Variants in SHANK2 observed in about 807,000 individuals in gnomAD.
The protein encoded by SHANK2 is SH3 and multiple ankyrin repeat domains 2, also known as SH3 and multiple ankyrin repeat domains protein 2.
In SHANK2, 43 loss-of-function variants were observed where a neutral mutation model predicts 133.7. The ratio of observed to expected loss-of-function variants is 0.32; its 90% confidence interval spans 0.25 to 0.41. The LOEUF (loss-of-function observed/expected upper bound fraction) is 0.41. Among genes scored for constraint, SHANK2 ranks in the 10% least tolerant of loss-of-function variants. The pLI is 1.00. For missense variants in SHANK2, 1,994 were observed against 2,235.8 expected (o/e 0.89, Z 2.18); for synonymous variants, 1,017 against 952.8 (o/e 1.07, Z -1.24).
chr11:70,752,288 G>GTTT (rs1946764904), intron 14 of SHANK2, among the ~76,000 whole-genome samples: 1 of 151,748 alleles, frequency 6.6e-6, no homozygotes, highest in Non-Finnish European at 1.5e-5. Context: ...AACATAGGGA[G>GTTT]GTTAAAAACA....
intron 11 of SHANK2, among the ~76,000 whole-genome samples, chr11:70,881,574 T>TAATAATAATAA (rs1565380943): frequency 7.6e-5 from 3 of 39,338 alleles, no homozygotes; most frequent in African/African-American, 1.3e-4. Context: ...AATAATAATA[T>TAATAATAATAA]TAATAATAAT....
chr11:70,752,705 C>CAA (rs530096112), intron 14 of SHANK2, among the ~76,000 whole-genome samples: 11,920 of 103,736 alleles, frequency 0.11, 918 homozygotes, highest in South Asian at 0.32. Flanking sequence ...GACTCCGTCT[C>CAA]AAAAAAAAAA....
intron 2 of SHANK2, among the ~76,000 whole-genome samples, chr11:71,177,828 G>A (rs1412454117): frequency 1.3e-5 from 2 of 152,042 alleles, no homozygotes; most frequent in East Asian, 3.8e-4. Context: ...ACATCCAACA[G>A]CATTAGGCAT....
At chr11:70,640,552 T>C (rs1471316007) in intron 17 of SHANK2, among the ~76,000 whole-genome samples, 1 of 152,232 alleles carries the variant, frequency 6.6e-6, no homozygotes, top group Non-Finnish European at 1.5e-5. Context: ...GACAGCGGCC[T>C]CAGGACATGA....
intron 9 of SHANK2, among the ~76,000 whole-genome samples, chr11:71,065,094 T>G (rs1373525861): frequency 6.6e-6 from 1 of 151,956 alleles, no homozygotes; most frequent in African/African-American, 2.4e-5. Flanking sequence ...AGACGGGACC[T>G]TGGAAGTGCC....
intron 2 of SHANK2, among the ~76,000 whole-genome samples, chr11:71,215,514 G>C (rs782456337): frequency 6.6e-6 from 1 of 152,200 alleles, no homozygotes; most frequent in African/African-American, 2.4e-5. Flanking sequence ...GAGCGAACGT[G>C]AGGTCAGGCC....
chr11:70,706,330 G>A (rs568385009), intron 14 of SHANK2, among the ~76,000 whole-genome samples: 2 of 152,280 alleles, frequency 1.3e-5, no homozygotes, highest in East Asian at 1.9e-4. Context: ...GAAAGTGAGC[G>A]AATGGGTCAA....
chr11:70,494,300 A>T (rs1555156613), intron 21 of SHANK2, among the ~76,000 whole-genome samples: 1 of 152,132 alleles, frequency 6.6e-6, no homozygotes, highest in Non-Finnish European at 1.5e-5. Context: ...CCAGAACCTC[A>T]GGGCAGTCTA....
chr11:70,776,539 A>G (rs1037907012), intron 14 of SHANK2, among the ~76,000 whole-genome samples: 5 of 152,092 alleles, frequency 3.3e-5, no homozygotes, highest in African/African-American at 4.8e-5. Flanking sequence ...CACAAACTCT[A>G]TGGTTTTAAA....
At chr11:70,765,464 C>T (rs1947099081) in intron 14 of SHANK2, among the ~76,000 whole-genome samples, 1 of 152,144 alleles carries the variant, frequency 6.6e-6, no homozygotes, top group African/African-American at 2.4e-5. Context: ...ACAGACAACA[C>T]CAGAGAAAAG....
At chr11:70,647,111 C>G (rs1555008625) in intron 17 of SHANK2, among the ~76,000 whole-genome samples, 1 of 152,076 alleles carries the variant, frequency 6.6e-6, no homozygotes, top group Non-Finnish European at 1.5e-5. Flanking sequence ...GGGGATCTGC[C>G]TGCCTTGGCC....
intron 16 of SHANK2, among the ~76,000 whole-genome samples, chr11:70,660,488 C>T (rs1218497520): frequency 6.6e-6 from 1 of 152,212 alleles, no homozygotes; most frequent in Non-Finnish European, 1.5e-5. Context: ...TGTGACCACT[C>T]TGTGTGTGAC....
intron 8 of SHANK2, among the ~76,000 whole-genome samples, chr11:71,080,042 C>G (rs1244521424): frequency 1.3e-5 from 2 of 152,114 alleles, no homozygotes; most frequent in African/African-American, 4.8e-5. Flanking sequence ...CATCCTCCCA[C>G]AAGAGAAGCA....
intron 2 of SHANK2, among the ~76,000 whole-genome samples, chr11:71,206,752 T>C (rs11826535): frequency 0.23 from 34,595 of 151,750 alleles, 4,475 homozygotes; most frequent in East Asian, 0.41. Flanking sequence ...CTGGGCAACA[T>C]AGCAAGACGC....
chr11:71,085,936 T>A (rs1951395499), intron 8 of SHANK2, among the ~76,000 whole-genome samples: 1 of 24,908 alleles, frequency 4.0e-5, no homozygotes, highest in Non-Finnish European at 5.7e-5. Context: ...AATTGTTATA[T>A]ATTAATATGT....
At chr11:71,131,024 G>T (rs1952292788) in intron 3 of SHANK2, among the ~76,000 whole-genome samples, 1 of 152,230 alleles carries the variant, frequency 6.6e-6, no homozygotes, top group African/African-American at 2.4e-5. Flanking sequence ...GCATTTTTAA[G>T]GACCCGTCAT....
rs556427495 is a variant in SHANK2 at position 70,734,169 on chromosome 11, G to A, written c.1778-35406C>T. Among the ~76,000 whole-genome samples the A allele has an allele frequency of 2.6e-5, 4 of 152,300 alleles. No individual in the cohort carries two copies. In the East Asian group the frequency reaches 5.8e-4, roughly 22 times the overall value. On this transcript the variant is annotated intron_variant, in intron 14 of 25. Coordinates refer to ENST00000601538, the MANE Select transcript of SHANK2 (RefSeq NM_012309.5). Reference sequence around the variant, plus strand: ...CAGAGCAGAGCCCGCGGGAGGGAGTGCCGGGCAGCAGGTGCGGCAGGGGCA... The same window carrying A: ...CAGAGCAGAGCCCGCGGGAGGGAGTACCGGGCAGCAGGTGCGGCAGGGGCA...
Position 70,714,792 on chromosome 11 carries a change from T to C in SHANK2, c.1778-16029A>G, listed in dbSNP as rs534134274. Among the ~76,000 whole-genome samples the C allele has an allele frequency of 5.9e-5, 9 of 152,174 alleles. No homozygotes were observed. In the South Asian group the frequency reaches 1.7e-3, roughly 28 times the overall value. Reference sequence around the variant, plus strand: ...CCTTTTTTTTTTCTTTTGCAAAAGATTGGTTTTACCTGTAGCATTTCTGTC... The same window carrying C: ...CCTTTTTTTTTTCTTTTGCAAAAGACTGGTTTTACCTGTAGCATTTCTGTC... On this transcript the variant is annotated intron_variant, in intron 14 of 25. Transcript: ENST00000601538.
intron 14 of SHANK2, among the ~76,000 whole-genome samples, chr11:70,768,521 A>G (rs1555041935): frequency 6.6e-6 from 1 of 152,162 alleles, no homozygotes; most frequent in African/African-American, 2.4e-5. Context: ...GCTTGTTGGC[A>G]GCAGAGAGAG....
Sources: allele counts gnomAD v4.1 joint callset (sites outside exome capture counted in the v4.1 genomes callset), GRCh38; gene constraint gnomAD v4.1.1; transcripts MANE v1.5; gene names NCBI Gene and HGNC (gene_info 2026-07-23, HGNC 2026-07-21).